ZNF536: variants seen among roughly 807,000 people sequenced by gnomAD.
ZNF536 encodes zinc finger protein 536.
ZNF536 carries 13 observed loss-of-function variants against 84.5 expected under a neutral mutation model. The ratio of observed to expected loss-of-function variants is 0.15; its 90% CI spans 0.10 to 0.24. ZNF536 has a LOEUF of 0.24. Among genes scored for constraint, ZNF536 ranks in the 10% least tolerant of loss-of-function variants. The probability of loss-of-function intolerance (pLI) is 1.00; values close to 1 mark genes in which losing one functional copy is unlikely to be tolerated. For synonymous variants in ZNF536, 811 were observed against 742.5 expected (o/e 1.09, Z -1.50); for missense variants, 1,536 against 1,747.5 (o/e 0.88, Z 2.16).
intron 1 of ZNF536, among the ~76,000 whole-genome samples, chr19:30,642,105 G>A (rs527972468): frequency 1.7e-4 from 26 of 152,266 alleles, no homozygotes; most frequent in African/African-American, 6.0e-4. Context: ...TTTGGGAACC[G>A]AATCCTATTT....
At position 30,243,975 on chromosome 19, in the gene ZNF536, CT is replaced by C. The variant is rs201734647; in HGVS notation, c.-190+15303del. On this transcript the variant is annotated intron_variant, in intron 1 of 5. Transcript: ENST00000585628. ...TCAGCACAATCCTATATACTTTTTC[CT>C]ATATATATTTACATATATGAATATG... Among the ~76,000 whole-genome samples, 390 of 152,242 alleles carry C rather than the reference CT, an allele frequency of 2.6e-3. 5 individuals carry two copies. The highest frequency in any genetic ancestry group is 9.1e-3 in the African/African-American group (378 of 41,536).
intron 1 of ZNF536, among the ~76,000 whole-genome samples, chr19:30,424,499 A>G (rs913642400): frequency 4.6e-5 from 7 of 152,084 alleles, no homozygotes; most frequent in Non-Finnish European, 1.0e-4. Flanking sequence ...CAGGGATCTG[A>G]GTGTGGGTAA....
chr19:30,476,822 C>G (rs934091836), intron 2 of ZNF536, among the ~76,000 whole-genome samples: 1 of 152,218 alleles, frequency 6.6e-6, no homozygotes, highest in East Asian at 1.9e-4. Flanking sequence ...TCCGGTCTCA[C>G]TGGGCCTGCC....
intron 1 of ZNF536, among the ~76,000 whole-genome samples, chr19:30,587,055 ACT>A (rs1488459307): frequency 1.3e-5 from 2 of 152,096 alleles, no homozygotes; most frequent in Non-Finnish European, 2.9e-5. Context: ...AAATAACATG[ACT>A]CTGTCCACAC....
intron 1 of ZNF536, among the ~76,000 whole-genome samples, chr19:30,392,017 G>A (rs1473395023): frequency 1.3e-5 from 2 of 152,128 alleles, no homozygotes; most frequent in Admixed American, 6.5e-5. Context: ...TTTTAGGACC[G>A]ATGAAGCAAG....
chr19:30,405,707 T>C lies in ZNF536; in HGVS notation c.-3+33151T>C, dbSNP rs115093536. On this transcript the variant is annotated intron_variant, in intron 1 of 4. Transcript: ENST00000355537. ...CCACACCCGAATCGTTTTCCACCTTTGCATCCTGCCTACTGGAAATTGGAT... is the reference window on the plus strand; with the variant it reads ...CCACACCCGAATCGTTTTCCACCTTCGCATCCTGCCTACTGGAAATTGGAT... Among the ~76,000 whole-genome samples the C allele has an allele frequency of 3.2e-3, 490 of 152,256 alleles. 4 individuals are homozygous for C. The highest frequency in any genetic ancestry group is 0.011 in the African/African-American group (463 of 41,570).
At chr19:30,586,313 C>T (rs751516652) in intron 1 of ZNF536, among the ~76,000 whole-genome samples, 15 of 152,232 alleles carry the variant, frequency 9.9e-5, no homozygotes, top group Non-Finnish European at 2.1e-4. Flanking sequence ...GAGTGGAAAT[C>T]CCATAAATGG....
intron 2 of ZNF536, among the ~76,000 whole-genome samples, chr19:30,310,736 C>G (rs2046472903): frequency 6.6e-6 from 1 of 152,196 alleles, no homozygotes; most frequent in Admixed American, 6.5e-5. Flanking sequence ...CTGAGGCTGT[C>G]AGCGGCTAAC....
intron 4 of ZNF536, chr19:30,554,929 A>G (rs2045914326): frequency 6.6e-6 from 1 of 152,230 alleles, no homozygotes; most frequent in African/African-American, 2.4e-5. Flanking sequence ...CCTCATCATC[A>G]GTGGCAGGGC....
chr19:30,297,974 A>G (rs4366821), intron 2 of ZNF536, among the ~76,000 whole-genome samples: 99,300 of 149,444 alleles, frequency 0.66, 32,980 homozygotes, highest in African/African-American at 0.74. Flanking sequence ...TCTGCCTCCC[A>G]GGTTCAAAGG....
intron 1 of ZNF536, among the ~76,000 whole-genome samples, chr19:30,229,038 G>T (rs1315468699): frequency 6.6e-6 from 1 of 152,114 alleles, no homozygotes; most frequent in Non-Finnish European, 1.5e-5. Flanking sequence ...GAGCGAGCGG[G>T]GCCGGCTGCT....
intron 3 of ZNF536, among the ~76,000 whole-genome samples, chr19:30,542,070 C>G (rs549246616): frequency 6.6e-6 from 1 of 152,158 alleles, no homozygotes; most frequent in East Asian, 1.9e-4. Flanking sequence ...AGTTGCTCAA[C>G]TTAAAAGTGA....
intron 2 of ZNF536, among the ~76,000 whole-genome samples, chr19:30,476,120 G>A (rs1326171796): frequency 6.6e-6 from 1 of 152,140 alleles, no homozygotes; most frequent in Non-Finnish European, 1.5e-5. Flanking sequence ...GAGAGTGAGT[G>A]GTTCTTGACA....
At chr19:30,550,788 G>A (rs138000147) in intron 4 of ZNF536, among the ~76,000 whole-genome samples, 114 of 152,090 alleles carry the variant, frequency 7.5e-4, no homozygotes, top group African/African-American at 2.4e-3. Flanking sequence ...AATTCACTAG[G>A]AACTGAATCA....
chr19:30,475,041 A>T (rs889140970), intron 2 of ZNF536, among the ~76,000 whole-genome samples: 3 of 151,574 alleles, frequency 2.0e-5, no homozygotes, highest in Admixed American at 6.6e-5. Context: ...TCTTTCAACC[A>T]TGTGGCTTCA....
chr19:30,567,758 G>C (rs932114316), intron 1 of ZNF536, among the ~76,000 whole-genome samples: 1 of 152,082 alleles, frequency 6.6e-6, no homozygotes, highest in East Asian at 1.9e-4. Context: ...AAAACCCGGC[G>C]TCACTGGAGA....
At chr19:30,381,771 G>A (rs575271659) in intron 1 of ZNF536, among the ~76,000 whole-genome samples, 2 of 152,304 alleles carry the variant, frequency 1.3e-5, no homozygotes, top group East Asian at 1.9e-4. Flanking sequence ...CATGGCAGGG[G>A]ACAGTGCAAG....
At chr19:30,502,359 C>G (rs1292998084) in intron 2 of ZNF536, among the ~76,000 whole-genome samples, 1 of 152,070 alleles carries the variant, frequency 6.6e-6, no homozygotes, top group South Asian at 2.1e-4. Flanking sequence ...TTTTTTTTAG[C>G]TAGCTAGCAC....
chr19:30,435,421 G>T (rs1474458731), intron 1 of ZNF536, among the ~76,000 whole-genome samples: 1 of 151,442 alleles, frequency 6.6e-6, no homozygotes, highest in Non-Finnish European at 1.5e-5. Flanking sequence ...GATGATGCTG[G>T]TGATGCTGGT....
Sources: gnomAD v4.1 joint callset for allele counts (sites outside exome capture counted in the v4.1 genomes callset) on GRCh38, gnomAD v4.1.1 for gene constraint, MANE v1.5 for transcripts, NCBI Gene and HGNC (gene_info 2026-07-23, HGNC 2026-07-21) for gene names.